TEX9: variants seen among roughly 807,000 people sequenced by gnomAD.
The protein encoded by TEX9 is testis expressed 9.
Under a neutral mutation model 59.6 loss-of-function variants are expected in TEX9, and 74 were observed. The ratio of observed to expected loss-of-function variants is 1.24; its 90% confidence interval spans 1.03 to 1.51. TEX9 has a LOEUF of 1.51. TEX9 is among the 40% of genes most tolerant of loss of function. The pLI is 0.00. For synonymous variants in TEX9, 186 were observed against 152.2 expected (o/e 1.22, Z -1.64); for missense variants, 522 against 447.8 (o/e 1.17, Z -1.49).
intron 1 of TEX9, among the ~76,000 whole-genome samples, chr15:56,271,367 C>T (rs969824146): frequency 5.5e-4 from 83 of 152,158 alleles, no homozygotes; most frequent in Admixed American, 2.6e-4. Flanking sequence ...CTTCTCTTCT[C>T]GCTTCATTTC....
intron 9 of TEX9, among the ~76,000 whole-genome samples, chr15:56,399,247 C>G (rs2048646013): frequency 6.6e-6 from 1 of 152,238 alleles, no homozygotes; most frequent in Non-Finnish European, 1.5e-5. Flanking sequence ...AAATGGGACA[C>G]TTCTGCCCAA....
intron 1 of TEX9, among the ~76,000 whole-genome samples, chr15:56,259,719 C>A (rs1309823274): frequency 6.6e-6 from 1 of 152,042 alleles, no homozygotes; most frequent in Non-Finnish European, 1.5e-5. Context: ...TGCTATAGGT[C>A]ATTTGCATTT....
At chr15:56,285,985 A>C (rs1182251458) in intron 1 of TEX9, among the ~76,000 whole-genome samples, 2 of 152,212 alleles carry the variant, frequency 1.3e-5, no homozygotes, top group African/African-American at 4.8e-5. Flanking sequence ...AAAGTGCAAG[A>C]TAGGCCATTG....
intron 12 of TEX9, chr15:56,429,046 C>G (rs919720838): frequency 5.3e-6 from 6 of 1,140,500 alleles, no homozygotes; most frequent in Admixed American, 2.5e-5. Context: ...AAAAGTTATG[C>G]TGACATCTAG....
At chr15:56,403,310 C>T (rs568995723) in intron 9 of TEX9, among the ~76,000 whole-genome samples, 3 of 152,302 alleles carry the variant, frequency 2.0e-5, no homozygotes, top group African/African-American at 7.2e-5. Flanking sequence ...AATCAATGTG[C>T]AAAAATCACA....
chr15:56,381,705 T>C (rs1238694345), intron 3 of TEX9, among the ~76,000 whole-genome samples: 1 of 152,234 alleles, frequency 6.6e-6, no homozygotes, highest in Non-Finnish European at 1.5e-5. Flanking sequence ...CCCAAACAAA[T>C]GGAGTCTCTT....
At chr15:56,447,140 A>G, downstream of TEX9, 1 of 500,752 alleles carries the variant, frequency 2.0e-6, no homozygotes, top group Non-Finnish European at 3.6e-6. Context: ...TCTGGTTGAA[A>G]AGTACTGCTC....
At chr15:56,442,426 G>A (rs1473243881) in intron 12 of TEX9, among the ~76,000 whole-genome samples, 1 of 152,122 alleles carries the variant, frequency 6.6e-6, no homozygotes, top group African/African-American at 2.4e-5. Flanking sequence ...TTACCATAAT[G>A]ACACATGCAT....
At chr15:56,420,185 G>A (rs2049907618) in intron 10 of TEX9, among the ~76,000 whole-genome samples, 1 of 151,388 alleles carries the variant, frequency 6.6e-6, no homozygotes, top group African/African-American at 2.4e-5. Context: ...CTTACTAGAG[G>A]TTTACTAATT....
At chr15:56,336,189 G>GA (rs2046253322) in intron 1 of TEX9, among the ~76,000 whole-genome samples, 1 of 152,148 alleles carries the variant, frequency 6.6e-6, no homozygotes, top group African/African-American at 2.4e-5. Context: ...CAGTGGGTGT[G>GA]ATTGTCTTAG....
At chr15:56,295,294 TTGGCCCACAGAGCTGCTTTGTAAATG>T (rs1199229399) in intron 1 of TEX9, among the ~76,000 whole-genome samples, 1 of 152,156 alleles carries the variant, frequency 6.6e-6, no homozygotes, top group Non-Finnish European at 1.5e-5. Flanking sequence ...CAAAAAATGT[TTGGCCCACAGAGCTGCTTTGTAAATG>T]TGGCTATTAC....
chr15:56,406,679 G>GT (rs2049097025), intron 9 of TEX9, among the ~76,000 whole-genome samples: 1 of 152,000 alleles, frequency 6.6e-6, no homozygotes, highest in African/African-American at 2.4e-5. Context: ...AGTTTAATTT[G>GT]TATTTCCTTT....
chr15:56,376,443 A>G (rs1217131113), intron 3 of TEX9, among the ~76,000 whole-genome samples: 2 of 152,134 alleles, frequency 1.3e-5, no homozygotes, highest in African/African-American at 4.8e-5. Context: ...TCTTTTGGAT[A>G]TAAGCCATTT....
At chr15:56,427,262 C>G (rs1596241104) in intron 10 of TEX9, among the ~76,000 whole-genome samples, 1 of 148,330 alleles carries the variant, frequency 6.7e-6, no homozygotes, top group Non-Finnish European at 1.5e-5. Context: ...CTCATCTACA[C>G]CTTCAAATAT....
At chr15:56,305,122 A>C (rs1414079740) in intron 1 of TEX9, among the ~76,000 whole-genome samples, 2 of 152,220 alleles carry the variant, frequency 1.3e-5, no homozygotes, top group African/African-American at 4.8e-5. Flanking sequence ...TGATGCAAGA[A>C]ATTGAGAAGA....
chr15:56,350,594 G>A (rs575551634), intron 1 of TEX9, among the ~76,000 whole-genome samples: 1 of 152,270 alleles, frequency 6.6e-6, no homozygotes, highest in East Asian at 1.9e-4. Flanking sequence ...ATAGCCTTGT[G>A]ACCTGGTGAG....
chr15:56,365,997 T>C (rs911967448), intron 2 of TEX9: 12 of 771,456 alleles, frequency 1.6e-5, no homozygotes, highest in Non-Finnish European at 2.0e-5. Context: ...GTTCACTTGA[T>C]AGTTTAGGTT....
chr15:56,285,381 T>C (rs2044928876), intron 1 of TEX9, among the ~76,000 whole-genome samples: 1 of 152,212 alleles, frequency 6.6e-6, no homozygotes, highest in Non-Finnish European at 1.5e-5. Context: ...GATCCTTCAC[T>C]TAATCACATC....
At chr15:56,435,580 G>A (rs1357724544) in intron 12 of TEX9, among the ~76,000 whole-genome samples, 1 of 151,908 alleles carries the variant, frequency 6.6e-6, no homozygotes, top group African/African-American at 2.4e-5. Flanking sequence ...AGATGAAATG[G>A]ATCACTTCCT....
Sources: gnomAD v4.1 joint callset for allele counts (sites outside exome capture counted in the v4.1 genomes callset) on GRCh38, gnomAD v4.1.1 for gene constraint, MANE v1.5 for transcripts, NCBI Gene and HGNC (gene_info 2026-07-23, HGNC 2026-07-21) for gene names.